The following ATP1A1 variants were observed in gnomAD, a reference collection of about 807,000 sequenced individuals.
ATP1A1 encodes the protein sodium/potassium-transporting ATPase subunit alpha-1.
ATP1A1 carries 14 observed loss-of-function variants against 114.8 expected under a neutral mutation model. The observed-to-expected ratio is 0.12, with a 90% confidence interval of 0.08 to 0.19. The LOEUF is 0.19. Among genes scored for constraint, ATP1A1 ranks in the 10% least tolerant of loss-of-function variants. The pLI is 1.00. For synonymous variants in ATP1A1, 471 were observed against 466.3 expected (o/e 1.01, Z -0.13); for missense variants, 524 against 1,290.7 (o/e 0.41, Z 9.10).
Position 116,404,503 on chromosome 1 carries a change from C to A in ATP1A1, c.*59C>A. On this transcript the variant is annotated 3_prime_UTR_variant, in exon 23 of 23. Coordinates refer to ENST00000295598, the MANE Select transcript of ATP1A1 (RefSeq NM_000701.8). This position sits in a 1 kb window ranked among gnomAD's most constrained non-coding sequence, Gnocchi z 4.8. Reference sequence around the variant, plus strand: ...ACACACTCTGCATCCGACACCCACCCCCTCTTTGTGTACTTCAGTCTTGGA... The same window carrying A: ...ACACACTCTGCATCCGACACCCACCACCTCTTTGTGTACTTCAGTCTTGGA... The A allele has an allele frequency of 6.4e-7, 1 of 1,569,620 alleles. No homozygotes were observed. Among genetic ancestry groups the A allele is most frequent in the Non-Finnish European group, 8.6e-7 (1 of 1,163,664 alleles).
rs926023302 is a variant in ATP1A1 at position 116,399,874 on chromosome 1, T to G, written c.2572+331T>G. Among the ~76,000 whole-genome samples, 3 of 152,248 alleles carry G rather than the reference T, an allele frequency of 2.0e-5. No homozygotes were observed. Among genetic ancestry groups the G allele is most frequent in the African/African-American group, 4.8e-5 (2 of 41,462 alleles). ...CATGGTTCTAAGGAATTGTGTGTAC[T>G]GACGCACAGGCTGCTTTCCCTGGAG... On this transcript the variant is annotated intron_variant, in intron 18 of 22. Transcript: ENST00000295598. The surrounding 1 kb of genome is among the most constrained non-coding windows in gnomAD (Gnocchi z 5.0).
In ATP1A1 at chr1:116,386,178, G is replaced by C. The variant is rs1346720290; in HGVS notation, c.184-1110G>C. On this transcript the variant is annotated intron_variant, in intron 3 of 22. Transcript: ENST00000295598. The stretch of plus-strand genomic sequence containing the variant: ...AAAAAGGAGAGAAGAACAAGGTTGA[G>C]AGCGTTTTTCTTGACACAAGCACTT... 2.1e-5 allele frequency: 3 copies of C among 142,684 alleles called. No homozygotes were observed. The Admixed American group carries it at 2.2e-4, about 10-fold the overall frequency. The allele number at this position is 142,684 out of a possible 1,614,324, so 8.8% of individuals were successfully genotyped here. A position where few individuals can be genotyped will look rare whatever the true frequency, so the allele number is the denominator to read the frequency against.
At chr1:116,374,161 G>A (rs922905482) in intron 1 of ATP1A1, 5 of 1,549,510 alleles carry the variant, frequency 3.2e-6, no homozygotes, top group Admixed American at 2.0e-5. Context: ...AGAAAAAACT[G>A]GCTGCTTCTA....
In ATP1A1 at chr1:116,381,036, C is replaced by T. The variant is rs995910888; in HGVS notation, c.13-2978C>T. On this transcript the variant is annotated intron_variant, in intron 1 of 22. Transcript: ENST00000295598. The surrounding 1 kb of genome is among the most constrained non-coding windows in gnomAD (Gnocchi z 5.1). The stretch of plus-strand genomic sequence containing the variant: ...CTTTCCTCAGAGATGCTCAAAGGGG[C>T]GGGGGTGCCCTTACATGGAACATGA... Among the ~76,000 whole-genome samples, 1 of 152,010 alleles carries T rather than the reference C, an allele frequency of 6.6e-6. No homozygotes were observed. The highest frequency in any genetic ancestry group is 2.4e-5 in the African/African-American group (1 of 41,370).
chr1:116,400,819 T>G, intron 18 of ATP1A1, 42 bp from the exon 19 acceptor site: 1 of 1,603,288 alleles, frequency 6.2e-7, no homozygotes, highest in South Asian at 1.1e-5. Context: ...CAGGTACCCT[T>G]GTGTGTGAGG....
Position 116,374,375 on chromosome 1 carries a change from G to A in ATP1A1, c.12+852G>A, listed in dbSNP as rs1651212461. The A allele has an allele frequency of 3.7e-5, 50 of 1,346,130 alleles. No individual in the cohort carries two copies. The South Asian group carries it at 6.0e-4, about 16-fold the overall frequency. The allele number at this position is 1,346,130 out of a possible 1,614,324, so 83.4% of individuals were successfully genotyped here. A position where few individuals can be genotyped will look rare whatever the true frequency, so the allele number is the denominator to read the frequency against. ...AGGGACGAGCCCTGAAGGAGGATAGGCAGACCCACCAGGGCCTCAGGGTAC... is the reference window on the plus strand; with the variant it reads ...AGGGACGAGCCCTGAAGGAGGATAGACAGACCCACCAGGGCCTCAGGGTAC... On this transcript the variant is annotated intron_variant, in intron 1 of 22. Transcript: ENST00000295598.
intron 1 of ATP1A1, among the ~76,000 whole-genome samples, chr1:116,380,830 G>T (rs937267371): frequency 3.3e-5 from 5 of 152,104 alleles, no homozygotes; most frequent in African/African-American, 9.7e-5. Flanking sequence ...TCCATGGGAA[G>T]CACAGGATGA....
In ATP1A1 at chr1:116,399,288, G is replaced by T; in HGVS notation, c.2449-132G>T. On this transcript the variant is annotated intron_variant, in intron 17 of 22. Transcript: ENST00000295598. The surrounding 1 kb of genome is among the most constrained non-coding windows in gnomAD (Gnocchi z 5.0). ...AGCAGTTAACATTTGTTTATCAGAT[G>T]GGAATCTTTATTTTTGTATACTTCA... 7.1e-7 allele frequency: 1 copy of T among 1,403,432 alleles called. No individual in the cohort carries two copies. The allele number at this position is 1,403,432 out of a possible 1,614,324, so 86.9% of individuals were successfully genotyped here.
At chr1:116,375,301 C>G (rs1330491974) in intron 1 of ATP1A1, among the ~76,000 whole-genome samples, 1 of 152,336 alleles carries the variant, frequency 6.6e-6, no homozygotes, top group Middle Eastern at 3.4e-3. Context: ...CCTGAACATG[C>G]ATTTACTCTT....
chr1:116,403,959 C>A lies in ATP1A1; in HGVS notation c.3027C>A (p.Ile1009=). 6.2e-7 allele frequency: 1 copy of A among 1,614,148 alleles called. No individual in the cohort carries two copies. Among genetic ancestry groups the A allele is most frequent in the African/African-American group, 1.3e-5 (1 of 75,072 alleles). The part of the protein sequence containing the change: ...FVYDEVRKLI[I]RRRPGGWVEK... ...ATGACGAAGTCAGAAAACTCATCAT[C>A]AGGCGACGCCCTGGCGGTAATTATG... Residue 1009 remains isoleucine, a synonymous_variant, in exon 22 of 23, where the codon ATC becomes ATA. Transcript: ENST00000295598.
chr1:116,389,609 C>T lies in ATP1A1; in HGVS notation c.925C>T (p.Leu309Phe). 1 of 1,614,162 alleles carries T rather than the reference C, an allele frequency of 6.2e-7. No individual in the cohort carries two copies. Among genetic ancestry groups the T allele is most frequent in the Non-Finnish European group, 8.5e-7 (1 of 1,180,028 alleles). ...GTTCCTGGGTGTGTCTTTCTTCATC[C>T]TTTCTCTCATCCTTGAGTACACCTG... Reference protein sequence around the residue: ...AVFLGVSFFILSLILEYTWLE... With the variant: ...AVFLGVSFFIFSLILEYTWLE... Residue 309 changes from leucine (L) to phenylalanine (F), a missense_variant, in exon 8 of 23, where the codon CTT becomes TTT. Around this residue, in one of 8 missense-constraint regions of ATP1A1, gnomAD observed 28 missense variants for 131.8 expected, o/e 0.21. Coordinates refer to ENST00000295598, the MANE Select transcript of ATP1A1 (RefSeq NM_000701.8). The surrounding 1 kb of genome is among the most constrained non-coding windows in gnomAD (Gnocchi z 6.9).
At chr1:116,383,984 T>G (rs984468691) in intron 1 of ATP1A1, 30 bp from the exon 2 acceptor site, 1 of 1,580,330 alleles carries the variant, frequency 6.3e-7, no homozygotes, top group South Asian at 1.1e-5. Context: ...TCATAATTCA[T>G]GGCCTCACTT....
chr1:116,377,027 T>A (rs1322738353), intron 1 of ATP1A1, among the ~76,000 whole-genome samples: 3 of 152,242 alleles, frequency 2.0e-5, no homozygotes, highest in Non-Finnish European at 2.9e-5. Flanking sequence ...GACTTTCCAT[T>A]CAAATCAGGC....
rs145603535 is a variant in ATP1A1, at chr1:116,399,446, G to A, written c.2475G>A (p.Glu825=). Residue 825 remains glutamate (E), a synonymous_variant, in exon 18 of 23, where the codon GAG becomes GAA. Transcript: ENST00000295598. This position sits in a 1 kb window ranked among gnomAD's most constrained non-coding sequence, Gnocchi z 5.0. ...DMVPAISLAY[E]QAESDIMKRQ... is the part of the protein sequence containing the mutation. ...TTCCTGCCATCTCCCTGGCTTATGA[G>A]CAGGCTGAGAGTGACATCATGAAGA... 2.3e-4 allele frequency: 370 copies of A among 1,614,100 alleles called. No homozygotes were observed. The East Asian group carries it at 7.9e-3, about 34-fold the overall frequency.
At chr1:116,377,393 A>G in intron 1 of ATP1A1, among the ~76,000 whole-genome samples, 1 of 152,230 alleles carries the variant, frequency 6.6e-6, no homozygotes, top group East Asian at 1.9e-4. Flanking sequence ...AGCCCTTGCA[A>G]AATTAGAGAG....
At chr1:116,394,246 A>G (rs962445249) in intron 12 of ATP1A1, among the ~76,000 whole-genome samples, 11 of 152,192 alleles carry the variant, frequency 7.2e-5, no homozygotes, top group Admixed American at 2.0e-4. Flanking sequence ...CCTGACAGCT[A>G]CTGAGGCTGA....
Position 116,399,555 on chromosome 1 carries a change from C to G in ATP1A1, c.2572+12C>G, listed in dbSNP as rs752064129. ...CTATGGGCAGATTGGTAAGCTGCAG[C>G]CTGGAGTGGGAAGCTGGCACATCTA... On this transcript the variant is annotated intron_variant, in intron 18 of 22. Transcript: ENST00000295598. The surrounding 1 kb of genome is among the most constrained non-coding windows in gnomAD (Gnocchi z 5.0). 1.2e-6 allele frequency: 2 copies of G among 1,613,622 alleles called. No individual in the cohort carries two copies. Among genetic ancestry groups the G allele is most frequent in the African/African-American group, 2.7e-5 (2 of 74,954 alleles).
In ATP1A1 at chr1:116,395,394, A is replaced by G. The variant is rs74111869; in HGVS notation, c.1836+109A>G. The G allele has an allele frequency of 8.3e-7, 1 of 1,199,278 alleles. No individual in the cohort carries two copies. Among genetic ancestry groups the G allele is most frequent in the Non-Finnish European group, 1.1e-6 (1 of 879,916 alleles). The allele number at this position is 1,199,278 out of a possible 1,614,324, so 74.3% of individuals were successfully genotyped here. A position where few individuals can be genotyped will look rare whatever the true frequency, so the allele number is the denominator to read the frequency against. On this transcript the variant is annotated intron_variant, in intron 13 of 22. Coordinates refer to ENST00000295598, the MANE Select transcript of ATP1A1 (RefSeq NM_000701.8). This position sits in a 1 kb window ranked among gnomAD's most constrained non-coding sequence, Gnocchi z 6.4. ...TGGCCAGCTGTTCTATCTCACCTGG[A>G]GTATTAATTTCTCATCTCCAAAGCT... is the stretch of plus-strand genomic sequence containing the variant.
intron 3 of ATP1A1, chr1:116,386,179 AGCGTTTTTC>A (rs1652076933): frequency 7.0e-6 from 1 of 142,700 alleles, no homozygotes; most frequent in Non-Finnish European, 1.5e-5. Context: ...CAAGGTTGAG[AGCGTTTTTC>A]TTGACACAAG....
Sources: allele counts gnomAD v4.1 joint callset (sites outside exome capture counted in the v4.1 genomes callset), GRCh38; gene constraint gnomAD v4.1.1; regional missense constraint gnomAD v4.1.1; non-coding constraint Gnocchi (gnomAD v3.1); transcripts MANE v1.5; gene names NCBI Gene and HGNC (gene_info 2026-07-23, HGNC 2026-07-21).